The following FARP1 variants were observed in gnomAD, a reference collection of about 807,000 sequenced individuals.
The protein encoded by FARP1 is FERM, ARH/RhoGEF and pleckstrin domain protein 1, also known as FERM, ARHGEF and pleckstrin domain-containing protein 1.
A neutral mutation model predicts 128.8 loss-of-function variants in FARP1; 52 were observed. That is an observed-to-expected ratio of 0.40 (90% CI 0.32 to 0.51). The LOEUF is 0.51. FARP1 is among the 20% of genes least tolerant of loss of function. FARP1 has a pLI of 0.45. For synonymous variants in FARP1, 580 were observed against 551.8 expected (o/e 1.05, Z -0.72); for missense variants, 1,333 against 1,367.9 (o/e 0.97, Z 0.40).
chr13:98,164,589 A>G (rs534302718), intron 1 of FARP1, among the ~76,000 whole-genome samples: 4 of 152,314 alleles, frequency 2.6e-5, no homozygotes, highest in East Asian at 1.9e-4. Context: ...ACCCAATGAG[A>G]GGTGTCTTTC....
At chr13:98,197,180 A>ATG (rs1799788641) in intron 1 of FARP1, among the ~76,000 whole-genome samples, 2 of 152,234 alleles carry the variant, frequency 1.3e-5, no homozygotes. Context: ...TAAGATGATG[A>ATG]TGTTGGCCAG....
At chr13:98,244,531 C>T (rs1439883788) in intron 2 of FARP1, 1 of 1,614,096 alleles carries the variant, frequency 6.2e-7, no homozygotes, top group African/African-American at 1.3e-5. Flanking sequence ...ACCGGCTCCT[C>T]CTGGACGGGT....
At chr13:98,220,788 T>A (rs773621917) in intron 2 of FARP1, among the ~76,000 whole-genome samples, 3 of 152,136 alleles carry the variant, frequency 2.0e-5, no homozygotes, top group Admixed American at 6.6e-5. Context: ...TTAAGACCCT[T>A]GTGATCAAAG....
chr13:98,322,171 G>T (rs1218639107), intron 2 of FARP1, among the ~76,000 whole-genome samples: 3 of 152,196 alleles, frequency 2.0e-5, no homozygotes, highest in African/African-American at 7.2e-5. Context: ...GGTGGCAGGT[G>T]CCTGTAATCC....
At chr13:98,173,806 C>T (rs368120228) in intron 1 of FARP1, among the ~76,000 whole-genome samples, 2 of 152,148 alleles carry the variant, frequency 1.3e-5, no homozygotes, top group African/African-American at 2.4e-5. Context: ...CCGGTAACCA[C>T]GGTGCTAACT....
At chr13:98,388,314 C>CA (rs1890175868) in intron 8 of FARP1, 69 bp from the exon 9 acceptor site, 1 of 1,227,668 alleles carries the variant, frequency 8.1e-7, no homozygotes, top group Non-Finnish European at 1.2e-6. Context: ...CTCCCATAAG[C>CA]AAAACAGACC....
chr13:98,203,224 A>G (rs939372428), intron 1 of FARP1, among the ~76,000 whole-genome samples: 1 of 152,204 alleles, frequency 6.6e-6, no homozygotes, highest in African/African-American at 2.4e-5. Flanking sequence ...TCACGGACAC[A>G]TAGACATTTT....
At chr13:98,448,170 T>A in intron 26 of FARP1, 66 bp from the exon 27 acceptor site, 3 of 1,348,210 alleles carry the variant, frequency 2.2e-6, no homozygotes, top group Non-Finnish European at 2.1e-6. Flanking sequence ...CTGTAAGCGA[T>A]GCCCACCAAA....
intron 1 of FARP1, among the ~76,000 whole-genome samples, chr13:98,155,153 C>T (rs1876409841): frequency 6.6e-6 from 1 of 152,044 alleles, no homozygotes; most frequent in Admixed American, 6.5e-5. Context: ...TCGAGACCAG[C>T]CTGACCAACA....
At chr13:98,261,518 C>CTT (rs11407005) in intron 2 of FARP1, among the ~76,000 whole-genome samples, 1,765 of 139,922 alleles carry the variant, frequency 0.013, 8 homozygotes, top group Middle Eastern at 0.027. Context: ...TGTCTGTGTA[C>CTT]TTTTTTTTTT....
chr13:98,398,429 T>C (rs1566291535), intron 13 of FARP1: 1 of 152,230 alleles, frequency 6.6e-6, no homozygotes, highest in African/African-American at 2.4e-5. Context: ...TGACTTTGCA[T>C]AACTAATACA....
At chr13:98,393,968 GCCACTGAGAACTCAGCTCAGCGGCGGAA>G (rs1174643093) in intron 12 of FARP1, among the ~76,000 whole-genome samples, 1 of 152,204 alleles carries the variant, frequency 6.6e-6, no homozygotes, top group Non-Finnish European at 1.5e-5. Context: ...GGTGCTCTAA[GCCACTGAGAACTCAGCTCAGCGGCGGAA>G]CCATCGCGGC....
chr13:98,438,795 C>T lies in FARP1; in HGVS notation c.2275-9C>T, dbSNP rs994442577. The T allele has an allele frequency of 2.5e-6, 4 of 1,611,662 alleles. No homozygotes were observed. Among genetic ancestry groups the T allele is most frequent in the Non-Finnish European group, 3.4e-6 (4 of 1,179,414 alleles). On this transcript the variant is annotated splice_polypyrimidine_tract_variant and intron_variant, in intron 19 of 26. Coordinates refer to ENST00000319562, the MANE Select transcript of FARP1 (RefSeq NM_005766.4). ...TCGCAGCCAGCCCTCCGGTCTGTCT[C>T]CCCTGCAGGAGTTCATCCGTCTGGG...
chr13:98,336,799 T>C (rs1343369881), intron 2 of FARP1, among the ~76,000 whole-genome samples: 34 of 152,204 alleles, frequency 2.2e-4, no homozygotes, highest in Admixed American at 2.2e-3. Context: ...AGCCAACTGG[T>C]TGGTGCGCTA....
chr13:98,446,310 G>T (rs1399518923), intron 25 of FARP1, 105 bp downstream of exon 25: 10 of 720,512 alleles, frequency 1.4e-5, no homozygotes, highest in Admixed American at 2.6e-5. Flanking sequence ...TGGGCTCCAG[G>T]TGTCACGGGG....
At position 98,392,223 on chromosome 13, in the gene FARP1, G is replaced by A. The variant is rs952414972; in HGVS notation, c.1088+1343G>A. Among the ~76,000 whole-genome samples, 3 of 149,440 alleles carry A rather than the reference G, an allele frequency of 2.0e-5. No homozygotes were observed. The South Asian group carries it at 6.3e-4, about 31-fold the overall frequency. ...CTGGAGGCCGGGCACAATGGCACATGCCTGTAATCCCAGCACTTTGGGATG... is the reference window on the plus strand; with the variant it reads ...CTGGAGGCCGGGCACAATGGCACATACCTGTAATCCCAGCACTTTGGGATG... On this transcript the variant is annotated intron_variant, in intron 11 of 26. Coordinates refer to ENST00000319562, the MANE Select transcript of FARP1 (RefSeq NM_005766.4).
chr13:98,146,600 C>T (rs1037025934), intron 1 of FARP1, among the ~76,000 whole-genome samples: 1 of 152,164 alleles, frequency 6.6e-6, no homozygotes, highest in African/African-American at 2.4e-5. Context: ...TTGCTTATTG[C>T]AGATAACTGC....
At chr13:98,213,730 G>A (rs1566749710) in intron 2 of FARP1, among the ~76,000 whole-genome samples, 1 of 152,144 alleles carries the variant, frequency 6.6e-6, no homozygotes, top group Admixed American at 6.5e-5. Context: ...TGTAACTGGA[G>A]GGAAGAGTGG....
chr13:98,444,139 C>T (rs1304184722), intron 24 of FARP1, among the ~76,000 whole-genome samples: 1 of 152,134 alleles, frequency 6.6e-6, no homozygotes, highest in African/African-American at 2.4e-5. Flanking sequence ...ACCCATGTTG[C>T]AGGGCTCCGG....
Sources: allele counts gnomAD v4.1 joint callset (sites outside exome capture counted in the v4.1 genomes callset), GRCh38; gene constraint gnomAD v4.1.1; transcripts MANE v1.5; gene names NCBI Gene and HGNC (gene_info 2026-07-23, HGNC 2026-07-21).